Variants in PRR16 observed in about 807,000 individuals in gnomAD.
PRR16 encodes protein Largen.
In PRR16, 6 loss-of-function variants were observed where a neutral mutation model predicts 18.2. That is an observed-to-expected ratio of 0.33 (90% CI 0.18 to 0.65). The LOEUF (loss-of-function observed/expected upper bound fraction) is 0.65, where lower values mean the gene tolerates loss of function less well. Ranked by LOEUF, PRR16 falls within the 30% of genes least tolerant of loss-of-function variation. The probability of loss-of-function intolerance (pLI) is 0.74; values close to 1 mark genes in which losing one functional copy is unlikely to be tolerated. For missense variants in PRR16, 412 were observed against 376.6 expected, an observed-to-expected ratio of 1.09 and a Z score of -0.78; for synonymous variants, 151 against 147.8, an observed-to-expected ratio of 1.02 and a Z score of -0.16.
the PRR16 span, among the ~76,000 whole-genome samples, chr5:120,749,152 C>T: frequency 7.2e-5 from 11 of 151,920 alleles, no homozygotes; most frequent in East Asian, 1.9e-4. Context: ...ACTAAAGCAA[C>T]GTTAAACTCA....
chr5:120,519,928 C>T (rs1751118184), intron 1 of PRR16, among the ~76,000 whole-genome samples: 1 of 151,654 alleles, frequency 6.6e-6, no homozygotes, highest in Admixed American at 6.6e-5. Flanking sequence ...TCCTTCTTTA[C>T]TGAAGAAATC....
At chr5:120,467,960 C>T (rs1424841861) in intron 1 of PRR16, among the ~76,000 whole-genome samples, 1 of 152,020 alleles carries the variant, frequency 6.6e-6, no homozygotes, top group African/African-American at 2.4e-5. Flanking sequence ...ATGAATAAGG[C>T]ATAGTTTCTG....
chr5:120,494,481 A>G (rs7710626), intron 1 of PRR16, among the ~76,000 whole-genome samples: 41,429 of 151,800 alleles, frequency 0.27, 6,966 homozygotes, highest in African/African-American at 0.48. Context: ...TTGCTATTGA[A>G]TTTTGAGGGT....
At chr5:120,522,428 A>G (rs915395894) in intron 1 of PRR16, among the ~76,000 whole-genome samples, 13 of 152,152 alleles carry the variant, frequency 8.5e-5, no homozygotes, top group African/African-American at 3.1e-4. Context: ...GCCAGTGATG[A>G]TCAGCATTTT....
the PRR16 span, among the ~76,000 whole-genome samples, chr5:120,707,618 G>A: frequency 2.6e-5 from 4 of 152,166 alleles, no homozygotes; most frequent in South Asian, 2.1e-4. Context: ...GCTTCTTACA[G>A]ACAGCACATG....
chr5:120,714,020 T>C, the PRR16 span, among the ~76,000 whole-genome samples: 4 of 152,142 alleles, frequency 2.6e-5, no homozygotes, highest in Non-Finnish European at 5.9e-5. Flanking sequence ...ATATACTTGA[T>C]ATTTTATAAT....
chr5:120,609,352 A>T (rs2034416), intron 1 of PRR16, among the ~76,000 whole-genome samples: 223 of 152,188 alleles, frequency 1.5e-3, no homozygotes, highest in African/African-American at 5.1e-3. Context: ...TCAATAAATA[A>T]GGACTCCCCA....
intron 1 of PRR16, among the ~76,000 whole-genome samples, chr5:120,566,457 C>G (rs907676003): frequency 1.3e-5 from 2 of 152,132 alleles, no homozygotes; most frequent in African/African-American, 4.8e-5. Flanking sequence ...ACTTTTGAAT[C>G]TTGTTGAGCT....
intron 1 of PRR16, among the ~76,000 whole-genome samples, chr5:120,530,226 T>C (rs1364053508): frequency 7.1e-6 from 1 of 141,356 alleles, no homozygotes; most frequent in African/African-American, 2.6e-5. Context: ...TAGCAAAGAA[T>C]TGTGCTGTTT....
chr5:120,466,204 A>T (rs1376684766), intron 1 of PRR16, among the ~76,000 whole-genome samples: 1 of 152,222 alleles, frequency 6.6e-6, no homozygotes, highest in Non-Finnish European at 1.5e-5. Flanking sequence ...GGGGTTATGC[A>T]TTGAAATTCA....
At chr5:120,618,567 T>A in intron 1 of PRR16, 1 of 935,912 alleles carries the variant, frequency 1.1e-6, no homozygotes, top group Non-Finnish European at 1.3e-6. Context: ...ACTTCAGAGG[T>A]AAGTAAAAAA....
chr5:120,781,063 A>G, the PRR16 span, among the ~76,000 whole-genome samples: 1 of 152,144 alleles, frequency 6.6e-6, no homozygotes, highest in Non-Finnish European at 1.5e-5. Flanking sequence ...ATATCTATGT[A>G]TCTATCTAAT....
chr5:120,764,985 A>G, the PRR16 span, among the ~76,000 whole-genome samples: 1 of 147,030 alleles, frequency 6.8e-6, no homozygotes, highest in Non-Finnish European at 1.5e-5. Context: ...TGACTGCAAA[A>G]GACTGAAGAG....
At chr5:120,756,500 A>G in the PRR16 span, among the ~76,000 whole-genome samples, 1 of 152,016 alleles carries the variant, frequency 6.6e-6, no homozygotes, top group African/African-American at 2.4e-5. Context: ...GACTGGTATG[A>G]GATGGTATCT....
At chr5:120,469,767 T>A (rs1167927419) in intron 1 of PRR16, among the ~76,000 whole-genome samples, 1 of 152,218 alleles carries the variant, frequency 6.6e-6, no homozygotes, top group Non-Finnish European at 1.5e-5. Context: ...AATGCTAAAA[T>A]GCTCTGAAAT....
chr5:120,500,454 A>T (rs1056121407), intron 1 of PRR16, among the ~76,000 whole-genome samples: 1 of 152,208 alleles, frequency 6.6e-6, no homozygotes, highest in African/African-American at 2.4e-5. Context: ...ACGAGATTAC[A>T]TTTAGTGCGT....
intron 1 of PRR16, among the ~76,000 whole-genome samples, chr5:120,574,791 T>C (rs1417597095): frequency 6.7e-6 from 1 of 149,220 alleles, no homozygotes. Context: ...TCTCATACAC[T>C]GTTGGTAAAA....
At position 120,686,608 on chromosome 5, in the gene PRR16, A is replaced by C. The variant is rs749002537; in HGVS notation, c.814A>C (p.Ser272Arg). Residue 272 changes from serine (S) to arginine (R), a missense_variant, in exon 2 of 2, where the codon AGT (serine) becomes CGT (arginine). By Grantham distance (110) the Ser-to-Arg change is moderately radical. Transcript: ENST00000407149. ...LENGGMGISH[S>R]NSFPPIRPAT... ...AAATGGGGGAATGGGAATAAGCCAC[A>C]GTAACAGCTTCCCCCCTATCAGACC... 6.2e-7 allele frequency: 1 copy of C among 1,613,292 alleles called. No homozygotes were observed. Among genetic ancestry groups the C allele is most frequent in the South Asian group, 1.1e-5 (1 of 90,928 alleles).
the PRR16 span, among the ~76,000 whole-genome samples, chr5:120,750,317 A>G: frequency 6.6e-6 from 1 of 152,128 alleles, no homozygotes; most frequent in Non-Finnish European, 1.5e-5. Flanking sequence ...CAAGTCAACC[A>G]ATACTTTTAC....
Sources: allele counts gnomAD v4.1 joint callset (sites outside exome capture counted in the v4.1 genomes callset), GRCh38; gene constraint gnomAD v4.1.1; transcripts MANE v1.5; gene names NCBI Gene and HGNC (gene_info 2026-07-23, HGNC 2026-07-21).